The following TRHDE variants were observed in gnomAD, a reference collection of about 807,000 sequenced individuals.
TRHDE encodes the protein thyrotropin-releasing hormone-degrading ectoenzyme.
In TRHDE, 72 loss-of-function variants were observed where a neutral mutation model predicts 125.7. The observed-to-expected ratio is 0.57, with a 90% CI of 0.47 to 0.70. TRHDE has a LOEUF of 0.70. Ranked by LOEUF, TRHDE falls within the 30% of genes least tolerant of loss-of-function variation. TRHDE has a pLI of 0.00. For missense variants in TRHDE, 1,110 were observed against 1,327.1 expected, an observed-to-expected ratio of 0.84 and a Z score of 2.54; for synonymous variants, 509 against 509.1, an observed-to-expected ratio of 1.00 and a Z score of 0.00.
At chr12:72,307,209 T>C (rs4384414) in intron 2 of TRHDE, among the ~76,000 whole-genome samples, 133,225 of 152,108 alleles carry the variant, frequency 0.88, 58,404 homozygotes, top group East Asian at 0.93. Flanking sequence ...TGCAGTGGTG[T>C]GATCTTGGCT....
chr12:72,087,428 C>T (rs1874695199), exon 1 of TRHDE: 1 of 152,226 alleles, frequency 6.6e-6, no homozygotes, highest in Non-Finnish European at 1.5e-5. Context: ...TAGAACATGG[C>T]TTGGTGAAGA....
At chr12:72,277,982 A>G (rs1879552174) in intron 1 of TRHDE, among the ~76,000 whole-genome samples, 1 of 152,154 alleles carries the variant, frequency 6.6e-6, no homozygotes, top group African/African-American at 2.4e-5. Flanking sequence ...GTTTTCAAGA[A>G]TATAATATAT....
chr12:72,585,217 T>C (rs1456958636), intron 12 of TRHDE, among the ~76,000 whole-genome samples: 1 of 152,188 alleles, frequency 6.6e-6, no homozygotes, highest in African/African-American at 2.4e-5. Context: ...ATCATTTCTG[T>C]ATTCTAGAAA....
At chr12:72,170,291 T>C (rs142707221) in intron 2 of TRHDE, among the ~76,000 whole-genome samples, 2 of 152,258 alleles carry the variant, frequency 1.3e-5, no homozygotes, top group East Asian at 3.9e-4. Context: ...GATACATGGT[T>C]CTGGAAACTG....
chr12:72,246,578 C>T lies in TRHDE; in HGVS notation n.280-131417C>T, dbSNP rs150308876. On this transcript the variant is annotated intron_variant and non_coding_transcript_variant, in intron 2 of 4. Transcript: ENST00000548156. ...TCTTCCTCGGGCCTGCTCACTTTCA[C>T]CGCAAGCAGCTGACTCGCTTAACAT... Among the ~76,000 whole-genome samples, 129 of 152,254 alleles carry T rather than the reference C, an allele frequency of 8.5e-4. 1 individual carries two copies. The highest frequency in any genetic ancestry group is 3.0e-3 in the African/African-American group (125 of 41,552).
At chr12:72,396,640 A>T (rs961359922) in intron 3 of TRHDE, among the ~76,000 whole-genome samples, 2 of 152,168 alleles carry the variant, frequency 1.3e-5, no homozygotes, top group Non-Finnish European at 2.9e-5. Flanking sequence ...GCTACTTGGG[A>T]GGCTGAGGTG....
intron 3 of TRHDE, chr12:72,431,707 A>G (rs1020118084): frequency 6.6e-6 from 1 of 151,762 alleles, no homozygotes; most frequent in Non-Finnish European, 1.5e-5. Context: ...TACTTCATGT[A>G]TGTGGCCTAT....
chr12:72,586,793 GA>G (rs59849205), intron 12 of TRHDE, among the ~76,000 whole-genome samples: 535 of 110,834 alleles, frequency 4.8e-3, no homozygotes, highest in African/African-American at 5.4e-3. Flanking sequence ...TAACCAAAAT[GA>G]AAAAAAAAAA....
At chr12:72,094,399 GA>G (rs1874863361) in intron 1 of TRHDE, among the ~76,000 whole-genome samples, 1 of 152,308 alleles carries the variant, frequency 6.6e-6, no homozygotes, top group South Asian at 2.1e-4. Context: ...GGTTACTGAT[GA>G]GCATATCTAT....
chr12:72,221,440 A>C (rs1222572660), intron 2 of TRHDE, among the ~76,000 whole-genome samples: 2 of 152,090 alleles, frequency 1.3e-5, no homozygotes, highest in East Asian at 3.9e-4. Flanking sequence ...TTATCTTCAG[A>C]CCTTGAAAAT....
At chr12:72,611,835 A>C (rs1872643714) in intron 12 of TRHDE, among the ~76,000 whole-genome samples, 1 of 152,234 alleles carries the variant, frequency 6.6e-6, no homozygotes. Context: ...TTATGATTAC[A>C]GGTGAAATAA....
rs533883895 is a variant in TRHDE, at chr12:72,554,137, C to T, written c.1789-8028C>T. On this transcript the variant is annotated intron_variant, in intron 7 of 18. Transcript: ENST00000261180. Reference sequence around the variant, plus strand: ...TGCCAGGATTACAGGAGTGAGCCACCGCTCCCGGCCAAGTCCATATAATTT... The same window carrying T: ...TGCCAGGATTACAGGAGTGAGCCACTGCTCCCGGCCAAGTCCATATAATTT... Among the ~76,000 whole-genome samples the T allele has an allele frequency of 2.3e-3, 354 of 152,098 alleles. 2 individuals carry two copies. Among genetic ancestry groups the T allele is most frequent in the African/African-American group, 7.6e-3 (316 of 41,504 alleles).
chr12:72,088,166 C>G (rs901215845), intron 1 of TRHDE, among the ~76,000 whole-genome samples: 1 of 152,096 alleles, frequency 6.6e-6, no homozygotes, highest in Non-Finnish European at 1.5e-5. Flanking sequence ...GGAAAAGTGG[C>G]TGTTGGATAG....
At chr12:72,373,364 T>G (rs984453280) in intron 2 of TRHDE, among the ~76,000 whole-genome samples, 7 of 152,154 alleles carry the variant, frequency 4.6e-5, no homozygotes, top group Non-Finnish European at 1.0e-4. Flanking sequence ...CCTCTTTTCC[T>G]AATTGAATAC....
intron 2 of TRHDE, among the ~76,000 whole-genome samples, chr12:72,289,253 T>G (rs187737652): frequency 9.5e-4 from 145 of 152,278 alleles, no homozygotes; most frequent in Non-Finnish European, 1.2e-3. Context: ...CAGTAGCATG[T>G]AAATAATATA....
At chr12:72,097,244 A>G (rs1317457438) in intron 1 of TRHDE, among the ~76,000 whole-genome samples, 2 of 152,172 alleles carry the variant, frequency 1.3e-5, no homozygotes, top group East Asian at 3.9e-4. Context: ...AAGGAAAACT[A>G]AGAAGCTCAG....
chr12:72,183,469 A>G (rs887235726), intron 2 of TRHDE, among the ~76,000 whole-genome samples: 2 of 152,228 alleles, frequency 1.3e-5, no homozygotes, highest in Non-Finnish European at 2.9e-5. Context: ...ATTGCTGTGA[A>G]TACATTTGTC....
intron 2 of TRHDE, among the ~76,000 whole-genome samples, chr12:72,247,220 C>G (rs976156227): frequency 1.3e-5 from 2 of 152,228 alleles, no homozygotes; most frequent in Admixed American, 1.3e-4. Context: ...AGTTGTTATA[C>G]TGCATTGTCT....
chr12:72,364,166 T>G (rs573723562), intron 2 of TRHDE, among the ~76,000 whole-genome samples: 64 of 151,968 alleles, frequency 4.2e-4, no homozygotes, highest in African/African-American at 1.3e-3. Context: ...TGGGTAGGAA[T>G]AATCAATATC....
Sources: allele counts gnomAD v4.1 joint callset (sites outside exome capture counted in the v4.1 genomes callset), GRCh38; gene constraint gnomAD v4.1.1; transcripts MANE v1.5; gene names NCBI Gene and HGNC (gene_info 2026-07-23, HGNC 2026-07-21).